Variants in CFAP299 observed in about 807,000 individuals in gnomAD.
The protein encoded by CFAP299 is cilia- and flagella-associated protein 299.
Under a neutral mutation model 27.0 loss-of-function variants are expected in CFAP299, and 21 were observed. That is an observed-to-expected ratio of 0.78 (90% CI 0.55 to 1.12). The LOEUF (loss-of-function observed/expected upper bound fraction) is 1.12, where lower values mean the gene tolerates loss of function less well. Ranked by LOEUF, CFAP299 falls within the 50% of genes most tolerant of loss-of-function variation. The pLI, the probability that CFAP299 is intolerant of heterozygous loss-of-function variation, is 0.00. For missense variants in CFAP299, 310 were observed against 276.6 expected, an observed-to-expected ratio of 1.12 and a Z score of -0.86; for synonymous variants, 104 against 98.1, an observed-to-expected ratio of 1.06 and a Z score of -0.36.
intron 3 of CFAP299, among the ~76,000 whole-genome samples, chr4:80,690,584 G>A (rs1213799540): frequency 1.3e-5 from 2 of 151,932 alleles, no homozygotes; most frequent in East Asian, 3.9e-4. Flanking sequence ...GCCCACAAGA[G>A]AAAGCAGGAA....
intron 3 of CFAP299, among the ~76,000 whole-genome samples, chr4:80,591,163 G>A (rs548686986): frequency 2.5e-5 from 3 of 120,614 alleles, no homozygotes; most frequent in South Asian, 5.1e-4. Flanking sequence ...TCGCTCTGTC[G>A]CCCAGGCTGG....
At chr4:80,698,606 T>C (rs1050359776) in intron 3 of CFAP299, among the ~76,000 whole-genome samples, 2 of 152,234 alleles carry the variant, frequency 1.3e-5, no homozygotes, top group Admixed American at 6.5e-5. Flanking sequence ...AGGCAAAGTA[T>C]ATTAATCTAT....
chr4:80,801,391 G>T (rs887156114), intron 3 of CFAP299, among the ~76,000 whole-genome samples: 1 of 151,832 alleles, frequency 6.6e-6, no homozygotes, highest in Admixed American at 6.6e-5. Flanking sequence ...GGTATCTTTT[G>T]CTGTCATCTT....
chr4:80,581,196 G>A (rs1023894040), intron 2 of CFAP299, among the ~76,000 whole-genome samples: 2 of 151,550 alleles, frequency 1.3e-5, no homozygotes, highest in African/African-American at 4.8e-5. Flanking sequence ...GTGATTAGAA[G>A]CTTATCCTGT....
chr4:80,959,486 A>G (rs1738231772), intron 5 of CFAP299, among the ~76,000 whole-genome samples: 1 of 152,084 alleles, frequency 6.6e-6, no homozygotes, highest in African/African-American at 2.4e-5. Context: ...TTAAGTTAAA[A>G]ACAAGTAAAG....
At chr4:80,935,367 A>G (rs1160306340) in intron 4 of CFAP299, among the ~76,000 whole-genome samples, 1 of 152,166 alleles carries the variant, frequency 6.6e-6, no homozygotes, top group Non-Finnish European at 1.5e-5. Context: ...AAACAGACAC[A>G]TAGACCAATG....
chr4:80,398,334 C>T (rs991812995), intron 2 of CFAP299, among the ~76,000 whole-genome samples: 1 of 152,160 alleles, frequency 6.6e-6, no homozygotes, highest in Admixed American at 6.5e-5. Flanking sequence ...TTGGGAAAAA[C>T]TACTTTAAAG....
rs375293995 is a variant in CFAP299 at position 80,432,257 on chromosome 4, T to C, written c.242+69373T>C. Reference sequence around the variant, plus strand: ...ACCTCCCCCTCCAGGGTTCAAGTGATTCTCCTGCCTCAGCCTCCTGAGTAG... The same window carrying C: ...ACCTCCCCCTCCAGGGTTCAAGTGACTCTCCTGCCTCAGCCTCCTGAGTAG... On this transcript the variant is annotated intron_variant, in intron 2 of 5. Coordinates refer to ENST00000358105, the MANE Select transcript of CFAP299 (RefSeq NM_152770.3). 2.4e-4 allele frequency among the ~76,000 whole-genome samples: 37 copies of C among 152,034 alleles called. 1 individual carries two copies. In the South Asian group the frequency reaches 7.5e-3, roughly 31 times the overall value.
intron 2 of CFAP299, chr4:80,388,151 G>A (rs1206302925): frequency 1.5e-6 from 1 of 669,886 alleles, no homozygotes; most frequent in Admixed American, 2.2e-5. Context: ...GCTGTGGGGT[G>A]GAGGTGGTGA....
intron 3 of CFAP299, among the ~76,000 whole-genome samples, chr4:80,766,934 A>G (rs1433235314): frequency 6.6e-6 from 1 of 152,172 alleles, no homozygotes; most frequent in East Asian, 1.9e-4. Context: ...AGTAAATTTC[A>G]GTTCTAAGGA....
Position 80,710,859 on chromosome 4 carries a change from T to G in CFAP299, c.333+127676T>G, listed in dbSNP as rs142794277. ...GGGCTCCTTTTTTGTACCTGGGACT[T>G]CACAAACAAATCTCTAAGCCTTAAA... On this transcript the variant is annotated intron_variant, in intron 3 of 5. Transcript: ENST00000358105. Among the ~76,000 whole-genome samples, 21 of 152,258 alleles carry G rather than the reference T, an allele frequency of 1.4e-4. No individual in the cohort carries two copies. In the East Asian group the frequency reaches 4.1e-3, roughly 29 times the overall value.
At chr4:80,670,833 GTTGT>G (rs1234333972) in intron 3 of CFAP299, among the ~76,000 whole-genome samples, 5 of 152,182 alleles carry the variant, frequency 3.3e-5, no homozygotes, top group African/African-American at 7.2e-5. Flanking sequence ...TTTTGATGCA[GTTGT>G]TTGTTTTCTT....
At chr4:80,719,332 A>G (rs897787965) in intron 3 of CFAP299, among the ~76,000 whole-genome samples, 1 of 152,228 alleles carries the variant, frequency 6.6e-6, no homozygotes, top group African/African-American at 2.4e-5. Flanking sequence ...AAAGAATCTC[A>G]GTGACAACAG....
At chr4:80,335,660 C>T, upstream of CFAP299, 1 of 734,104 alleles carries the variant, frequency 1.4e-6, no homozygotes. Flanking sequence ...GGATTAACGT[C>T]CAAAGCTCAC....
At chr4:80,560,451 T>A (rs1361765283) in intron 2 of CFAP299, among the ~76,000 whole-genome samples, 1 of 152,020 alleles carries the variant, frequency 6.6e-6, no homozygotes, top group African/African-American at 2.4e-5. Flanking sequence ...AAAGGGGACT[T>A]TGTCTTGCAC....
intron 3 of CFAP299, among the ~76,000 whole-genome samples, chr4:80,685,784 C>T (rs1054515634): frequency 1.3e-5 from 2 of 151,820 alleles, no homozygotes; most frequent in African/African-American, 2.4e-5. Context: ...AATTTTTTTT[C>T]CTGTTCCTTC....
intron 1 of CFAP299, among the ~76,000 whole-genome samples, chr4:80,360,927 C>T (rs913898327): frequency 3.9e-5 from 6 of 152,158 alleles, no homozygotes; most frequent in African/African-American, 1.2e-4. Context: ...AAGTTGTGTT[C>T]GAATATGCAA....
intron 2 of CFAP299, among the ~76,000 whole-genome samples, chr4:80,510,506 C>A (rs1303258165): frequency 6.6e-6 from 1 of 152,138 alleles, no homozygotes; most frequent in East Asian, 1.9e-4. Context: ...TAGACTATAG[C>A]TGAGCTCACA....
chr4:80,669,205 G>C (rs1161932698), intron 3 of CFAP299, among the ~76,000 whole-genome samples: 1 of 109,048 alleles, frequency 9.2e-6, no homozygotes, highest in Non-Finnish European at 1.7e-5. Flanking sequence ...CTGTTGGCCA[G>C]GCTGGAGTGC....
Sources: allele counts gnomAD v4.1 joint callset (sites outside exome capture counted in the v4.1 genomes callset), GRCh38; gene constraint gnomAD v4.1.1; transcripts MANE v1.5; gene names NCBI Gene and HGNC (gene_info 2026-07-23, HGNC 2026-07-21).